Variants in PIEZO2 observed in about 807,000 individuals in gnomAD.
PIEZO2 encodes piezo type mechanosensitive ion channel component 2.
A neutral mutation model predicts 337.3 loss-of-function variants in PIEZO2; 172 were observed. That is an observed-to-expected ratio of 0.51 (90% CI 0.45 to 0.58). The LOEUF (loss-of-function observed/expected upper bound fraction) is 0.58. PIEZO2 is among the 20% of genes least tolerant of loss of function. The probability of loss-of-function intolerance (pLI) is 0.00; values close to 1 mark genes in which losing one functional copy is unlikely to be tolerated. For missense variants in PIEZO2, 3,028 were observed against 3,391.3 expected, an observed-to-expected ratio of 0.89 and a Z score of 2.66; for synonymous variants, 1,251 against 1,228.5, an observed-to-expected ratio of 1.02 and a Z score of -0.38.
chr18:11,111,632 A>AC lies in PIEZO2; in HGVS notation c.64+36892dup, dbSNP rs1180784144. 6.6e-6 allele frequency among the ~76,000 whole-genome samples: 1 copy of AC among 151,528 alleles called. No homozygotes were observed. ...GTCTTGATCCAGTTCTTCTCCTGCC[A>AC]CCCCCAACTTCCTCTCTCCTGTGCT... On this transcript the variant is annotated intron_variant, in intron 1 of 55. Transcript: ENST00000674853. This position sits in a 1 kb window ranked among gnomAD's most constrained non-coding sequence, Gnocchi z 6.2.
intron 1 of PIEZO2, among the ~76,000 whole-genome samples, chr18:11,114,825 G>C (rs753088958): frequency 1.3e-5 from 2 of 152,088 alleles, no homozygotes; most frequent in Admixed American, 6.6e-5. Flanking sequence ...GAGGGCTTCT[G>C]AATCATCAAA....
At position 11,149,169 on chromosome 18, in the gene PIEZO2, G is replaced by T. The variant is rs2040887967; in HGVS notation, c.-581C>A. 6.6e-6 allele frequency among the ~76,000 whole-genome samples: 1 copy of T among 151,950 alleles called. No individual in the cohort carries two copies. Among genetic ancestry groups the T allele is most frequent in the Admixed American group, 6.5e-5 (1 of 15,268 alleles). On this transcript the variant is annotated 5_prime_UTR_variant, in exon 1 of 56. Coordinates refer to ENST00000674853, the MANE Select transcript of PIEZO2 (RefSeq NM_001378183.1). The surrounding 1 kb of genome is among the most constrained non-coding windows in gnomAD (Gnocchi z 8.7). ...AGCTGCCCGGCGGGCTCCGGGTCTC[G>T]CCCTCCAGCCCCCAGGCGGCCCGCG...
rs778177782 is a variant in PIEZO2, at chr18:11,131,925, G to A, written c.64+16600C>T. The stretch of plus-strand genomic sequence containing the variant: ...GGCCCATGAACAAAGGGGCCATGGT[G>A]GCAGGGTTGGAGGTTATACATGGGC... On this transcript the variant is annotated intron_variant, in intron 1 of 55. Coordinates refer to ENST00000674853, the MANE Select transcript of PIEZO2 (RefSeq NM_001378183.1). The surrounding 1 kb of genome is among the most constrained non-coding windows in gnomAD (Gnocchi z 5.3). Among the ~76,000 whole-genome samples the A allele has an allele frequency of 2.0e-5, 3 of 152,188 alleles. No individual in the cohort carries two copies. Among genetic ancestry groups the A allele is most frequent in the Admixed American group, 6.5e-5 (1 of 15,286 alleles).
chr18:10,886,123 C>G (rs766000244), intron 4 of PIEZO2, among the ~76,000 whole-genome samples: 33 of 150,202 alleles, frequency 2.2e-4, no homozygotes, highest in African/African-American at 8.1e-4. Context: ...GTGAACCAAG[C>G]AAGTGGAAGC....
intron 52 of PIEZO2, among the ~76,000 whole-genome samples, chr18:10,678,128 C>T (rs1411687806): frequency 6.6e-6 from 1 of 152,160 alleles, no homozygotes; most frequent in Admixed American, 6.5e-5. Flanking sequence ...AACCTGCTGA[C>T]CAAAAGAGAA....
chr18:10,700,249 C>T (rs1159566760), intron 43 of PIEZO2, among the ~76,000 whole-genome samples: 1 of 152,000 alleles, frequency 6.6e-6, no homozygotes, highest in Non-Finnish European at 1.5e-5. Flanking sequence ...ATCAAATATA[C>T]AGCAATTTGT....
chr18:10,750,524 G>A lies in PIEZO2; in HGVS notation c.4168-337C>T, dbSNP rs976746781. 2.6e-5 allele frequency among the ~76,000 whole-genome samples: 4 copies of A among 152,296 alleles called. No individual in the cohort carries two copies. The highest frequency in any genetic ancestry group is 6.5e-5 in the Admixed American group (1 of 15,298). On this transcript the variant is annotated intron_variant, in intron 28 of 55. Coordinates refer to ENST00000674853, the MANE Select transcript of PIEZO2 (RefSeq NM_001378183.1). This position sits in a 1 kb window ranked among gnomAD's most constrained non-coding sequence, Gnocchi z 4.1. ...GGGTGTGCACTGAACCCTAGAACTT[G>A]GACTTTGGTAGAGTTATTTTCTTAC...
At chr18:10,965,489 G>A (rs921238489) in intron 3 of PIEZO2, among the ~76,000 whole-genome samples, 1 of 152,102 alleles carries the variant, frequency 6.6e-6, no homozygotes, top group Non-Finnish European at 1.5e-5. Context: ...AGCGTTCAGA[G>A]GCTTGAAATA....
At position 10,742,554 on chromosome 18, in the gene PIEZO2, A is replaced by C. The variant is rs1045419854; in HGVS notation, c.4576T>G (p.Leu1526Val). Residue 1526 changes from leucine (L) to valine (V), a missense_variant, in exon 32 of 56, where the codon TTG becomes GTG. Leu to Val is a conservative substitution (Grantham distance 32). Coordinates refer to ENST00000674853, the MANE Select transcript of PIEZO2 (RefSeq NM_001378183.1). ...TGGCCTTCCCCTGGCTCCTGGGTCAAGCTCAGCATCCTCTCCTTACCCTTT... is the reference window on the plus strand; with the variant it reads ...TGGCCTTCCCCTGGCTCCTGGGTCACGCTCAGCATCCTCTCCTTACCCTTT... ...YKKGKERMLS[L>V]TQEPGEGQDM... The C allele has an allele frequency of 1.2e-5, 18 of 1,537,204 alleles. No homozygotes were observed. Among genetic ancestry groups the C allele is most frequent in the East Asian group, 7.3e-5 (3 of 40,906 alleles).
chr18:10,991,155 T>TAC (rs374157292), intron 2 of PIEZO2, among the ~76,000 whole-genome samples: 7,692 of 140,558 alleles, frequency 0.055, 308 homozygotes, highest in African/African-American at 0.12. Context: ...GAAGGTTTTA[T>TAC]ACACACACAC....
intron 30 of PIEZO2, among the ~76,000 whole-genome samples, chr18:10,747,716 G>A (rs949842852): frequency 3.3e-5 from 5 of 152,186 alleles, no homozygotes; most frequent in African/African-American, 9.7e-5. Context: ...AATAAACATT[G>A]TGTTTATCAT....
intron 2 of PIEZO2, among the ~76,000 whole-genome samples, chr18:11,008,569 A>T (rs1023027067): frequency 6.6e-6 from 1 of 152,050 alleles, no homozygotes; most frequent in African/African-American, 2.4e-5. Flanking sequence ...CCAAAACATG[A>T]CTCGGCTTCT....
rs750300884 is a variant in PIEZO2 at position 10,696,530 on chromosome 18, C to T, written c.6837G>A (p.Glu2279=). The T allele has an allele frequency of 1.2e-6, 2 of 1,613,364 alleles. No individual in the cohort carries two copies. Among genetic ancestry groups the T allele is most frequent in the Admixed American group, 3.3e-5 (2 of 60,018 alleles). ...AGAACTGTTTGATGGGCACATAGATCTCCAGCGTCCTGCAAAATGGAGACC... is the reference window on the plus strand; with the variant it reads ...AGAACTGTTTGATGGGCACATAGATTTCCAGCGTCCTGCAAAATGGAGACC... ...AKAFTIKKTL[E]IYVPIKQFFY... The change falls in exon 46 of 56, where the codon GAG becomes GAA. Residue 2279 remains glutamate, a synonymous_variant. Transcript: ENST00000674853.
rs527724655 is a variant in PIEZO2 at position 10,942,830 on chromosome 18, G to A, written c.287-31602C>T. Among the ~76,000 whole-genome samples the A allele has an allele frequency of 1.3e-5, 2 of 152,272 alleles. No homozygotes were observed. The highest frequency in any genetic ancestry group is 1.9e-4 in the East Asian group (1 of 5,168). On this transcript the variant is annotated intron_variant, in intron 3 of 55. Transcript: ENST00000674853. This position sits in a 1 kb window ranked among gnomAD's most constrained non-coding sequence, Gnocchi z 4.4. Reference sequence around the variant, plus strand: ...AAGCCTGAAGGCCTAGGTAAAACAAGTGATTTAGTAGGCCAGGCTCAGGGT... The same window carrying A: ...AAGCCTGAAGGCCTAGGTAAAACAAATGATTTAGTAGGCCAGGCTCAGGGT...
intron 39 of PIEZO2, among the ~76,000 whole-genome samples, chr18:10,711,551 T>C (rs557770120): frequency 5.1e-4 from 78 of 152,270 alleles, no homozygotes; most frequent in African/African-American, 1.6e-3. Flanking sequence ...TCATCACAAA[T>C]TAATGAAGAA....
Position 11,092,812 on chromosome 18 carries a change from GC to G in PIEZO2, c.65-26591del, listed in dbSNP as rs757628941. ...ATTTATGGCATGAGGACCTTCTGTG[GC>G]CCCCTCATCCCTTCACAGGGCCACA... On this transcript the variant is annotated intron_variant, in intron 1 of 55. Transcript: ENST00000674853. This position sits in a 1 kb window ranked among gnomAD's most constrained non-coding sequence, Gnocchi z 4.5. Among the ~76,000 whole-genome samples, 5 of 152,168 alleles carry G rather than the reference GC, an allele frequency of 3.3e-5. No homozygotes were observed. Among genetic ancestry groups the G allele is most frequent in the African/African-American group, 7.2e-5 (3 of 41,428 alleles).
chr18:10,739,386 A>T (rs1598419453), intron 33 of PIEZO2: 1 of 152,226 alleles, frequency 6.6e-6, no homozygotes, highest in African/African-American at 2.4e-5. Flanking sequence ...GAAGTTCTTT[A>T]TATTATTACA....
chr18:11,074,769 A>G (rs1470045844), intron 1 of PIEZO2, among the ~76,000 whole-genome samples: 2 of 152,242 alleles, frequency 1.3e-5, no homozygotes, highest in South Asian at 2.1e-4. Flanking sequence ...TAACATTTGT[A>G]AAAATACTTG....
chr18:11,116,376 C>T lies in PIEZO2; in HGVS notation c.64+32149G>A, dbSNP rs998690447. Among the ~76,000 whole-genome samples the T allele has an allele frequency of 1.3e-5, 2 of 152,118 alleles. No homozygotes were observed. The highest frequency in any genetic ancestry group is 2.4e-5 in the African/African-American group (1 of 41,428). Reference sequence around the variant, plus strand: ...GAAGCTGCCCAACGGTGTGAAAATGCACCTCGACAATGCTTGGGTGATCTG... The same window carrying T: ...GAAGCTGCCCAACGGTGTGAAAATGTACCTCGACAATGCTTGGGTGATCTG... On this transcript the variant is annotated intron_variant, in intron 1 of 55. Transcript: ENST00000674853. This position sits in a 1 kb window ranked among gnomAD's most constrained non-coding sequence, Gnocchi z 5.0.
Sources: gnomAD v4.1 joint callset for allele counts (sites outside exome capture counted in the v4.1 genomes callset) on GRCh38, gnomAD v4.1.1 for gene constraint, Gnocchi (gnomAD v3.1) non-coding constraint, MANE v1.5 for transcripts, NCBI Gene and HGNC (gene_info 2026-07-23, HGNC 2026-07-21) for gene names.